CMPK1: variants seen among roughly 807,000 people sequenced by gnomAD.
The protein encoded by CMPK1 is UMP-CMP kinase.
CMPK1 carries 10 observed loss-of-function variants against 25.7 expected under a neutral mutation model. That is an observed-to-expected ratio of 0.39 (90% CI 0.24 to 0.66). The LOEUF (loss-of-function observed/expected upper bound fraction) is 0.66, where lower values mean the gene tolerates loss of function less well. CMPK1 is among the 30% of genes least tolerant of loss of function. CMPK1 has a pLI of 0.48. For synonymous variants in CMPK1, 106 were observed against 101.5 expected (o/e 1.04, Z -0.27); for missense variants, 199 against 280.5 (o/e 0.71, Z 2.08).
At chr1:47,374,329 T>G (rs1179071560) in intron 3 of CMPK1, among the ~76,000 whole-genome samples, 1 of 152,228 alleles carries the variant, frequency 6.6e-6, no homozygotes, top group African/African-American at 2.4e-5. Context: ...AGTGTTGGAA[T>G]TGCAGGCCTG....
intron 1 of CMPK1, among the ~76,000 whole-genome samples, chr1:47,357,342 C>A (rs947279640): frequency 1.3e-5 from 2 of 152,100 alleles, no homozygotes; most frequent in African/African-American, 4.8e-5. Context: ...AATTCTTACA[C>A]ATTTAGTTTT....
chr1:47,359,395 T>TTC (rs1269421958), intron 1 of CMPK1, among the ~76,000 whole-genome samples: 1 of 129,420 alleles, frequency 7.7e-6, no homozygotes, highest in Non-Finnish European at 1.5e-5. Context: ...TCTTTTTTTT[T>TTC]TTTTTTTTTT....
At chr1:47,343,250 G>A (rs1279520068) in intron 1 of CMPK1, among the ~76,000 whole-genome samples, 2 of 151,208 alleles carry the variant, frequency 1.3e-5, no homozygotes. Flanking sequence ...GCCTCCCAAA[G>A]TGCTGGGATT....
Position 47,378,389 on chromosome 1 carries a change from C to G in CMPK1, c.*1644C>G, listed in dbSNP as rs555355359. ...GAAGCAAGAGTAAAGACTAAGGTTT[C>G]GAGAGCATTCCTACTCACATAAGTG... On this transcript the variant is annotated 3_prime_UTR_variant, in exon 6 of 6. Coordinates refer to ENST00000371873, the MANE Select transcript of CMPK1 (RefSeq NM_016308.3). The G allele has an allele frequency of 1.3e-5, 2 of 151,994 alleles. No individual in the cohort carries two copies. The highest frequency in any genetic ancestry group is 4.8e-5 in the African/African-American group (2 of 41,376). The allele number at this position is 151,994 out of a possible 1,614,324, so 9.4% of individuals were successfully genotyped here.
intron 1 of CMPK1, among the ~76,000 whole-genome samples, chr1:47,352,928 G>GT (rs57242072): frequency 0.18 from 26,949 of 152,010 alleles, 3,030 homozygotes; most frequent in East Asian, 0.54. Flanking sequence ...ACTTATGAAG[G>GT]TAAATTTTAT....
intron 1 of CMPK1, among the ~76,000 whole-genome samples, chr1:47,361,866 C>G (rs950835550): frequency 2.8e-5 from 4 of 140,694 alleles, no homozygotes; most frequent in Non-Finnish European, 6.0e-5. Flanking sequence ...TTTTAAAATA[C>G]TACTCTTTTT....
At chr1:47,370,807 C>G (rs1457013354) in intron 2 of CMPK1, among the ~76,000 whole-genome samples, 1 of 143,818 alleles carries the variant, frequency 7.0e-6, no homozygotes, top group Non-Finnish European at 1.5e-5. Context: ...AAAAATTAGT[C>G]GGCCGTGGTG....
chr1:47,338,245 C>T (rs1312645329), intron 1 of CMPK1, among the ~76,000 whole-genome samples: 2 of 152,070 alleles, frequency 1.3e-5, no homozygotes, highest in South Asian at 2.1e-4. Context: ...AACCAAAAAC[C>T]CTTAGGGATA....
rs1273515024 is a variant in CMPK1 at position 47,333,809 on chromosome 1, G to A, written c.-137G>A. ...CTCCTCCCCTTCCGACAGGGCCGCGGACGCCCGGGCAGCCACGGCGGCGGG... is the reference window on the plus strand; with the variant it reads ...CTCCTCCCCTTCCGACAGGGCCGCGAACGCCCGGGCAGCCACGGCGGCGGG... On this transcript the variant is annotated 5_prime_UTR_variant, in exon 1 of 6. Transcript: ENST00000371873. 8 of 340,310 alleles carry A rather than the reference G, an allele frequency of 2.4e-5. No individual in the cohort carries two copies. The highest frequency in any genetic ancestry group is 3.3e-5 in the Non-Finnish European group (8 of 239,482). 21.1% of individuals were successfully genotyped at this position (340,310 alleles called of 1,614,324 possible).
chr1:47,364,462 G>A (rs185314296), intron 1 of CMPK1, among the ~76,000 whole-genome samples: 2 of 151,434 alleles, frequency 1.3e-5, no homozygotes, highest in South Asian at 2.1e-4. Context: ...GACTACAGGC[G>A]CCTGCCACCA....
intron 1 of CMPK1, among the ~76,000 whole-genome samples, chr1:47,347,610 TTTG>T (rs1025009758): frequency 1.3e-5 from 2 of 151,966 alleles, no homozygotes; most frequent in African/African-American, 4.8e-5. Flanking sequence ...CCATGATCTT[TTTG>T]TTGTTGTTGT....
At chr1:47,358,874 C>G (rs1260138457) in intron 1 of CMPK1, 4 of 984,644 alleles carry the variant, frequency 4.1e-6, no homozygotes, top group African/African-American at 1.8e-5. Context: ...CTAAAGAGCA[C>G]CTGAGATACT....
chr1:47,373,065 G>A lies in CMPK1; in HGVS notation c.429G>A (p.Lys143=). Residue 143 remains lysine, a synonymous_variant, in exon 3 of 6, where the codon AAG becomes AAA. Coordinates refer to ENST00000371873, the MANE Select transcript of CMPK1 (RefSeq NM_016308.3). ...GATGGAACAAGACCATGGATGGGAA[G>A]GCAGATGTATCTTTCGTTCTCTTTT... ...LQGWNKTMDG[K]ADVSFVLFFD... is the part of the protein sequence containing the mutation. 3.7e-6 allele frequency: 6 copies of A among 1,610,444 alleles called. No homozygotes were observed. The highest frequency in any genetic ancestry group is 5.1e-6 in the Non-Finnish European group (6 of 1,177,950).
chr1:47,358,507 TA>T (rs1457797964), intron 1 of CMPK1: 1 of 1,023,636 alleles, frequency 9.8e-7, no homozygotes, highest in Non-Finnish European at 1.2e-6. Flanking sequence ...ATAGTATGTG[TA>T]GATGTCATTT....
chr1:47,339,747 G>A (rs1350594541), intron 1 of CMPK1, among the ~76,000 whole-genome samples: 3 of 128,564 alleles, frequency 2.3e-5, no homozygotes, highest in African/African-American at 5.9e-5. Context: ...TTACTCTGTC[G>A]CCCAGACGGG....
intron 5 of CMPK1, 43 bp from the exon 6 acceptor site, chr1:47,376,661 C>T (rs1291800571): frequency 7.7e-7 from 1 of 1,305,600 alleles, no homozygotes; most frequent in Non-Finnish European, 1.1e-6. Flanking sequence ...GGTATTTTAA[C>T]AGTACCTGCT....
chr1:47,376,685 T>C lies in CMPK1; in HGVS notation c.646-19T>C. 2.0e-6 allele frequency: 3 copies of C among 1,527,928 alleles called. No individual in the cohort carries two copies. The highest frequency in any genetic ancestry group is 1.1e-5 in the South Asian group (1 of 87,678). 94.6% of individuals were successfully genotyped at this position (1,527,928 alleles called of 1,614,324 possible). A position where few individuals can be genotyped will look rare whatever the true frequency, so the allele number is the denominator to read the frequency against. On this transcript the variant is annotated intron_variant, in intron 5 of 5. Transcript: ENST00000371873. The stretch of plus-strand genomic sequence containing the variant: ...ACAGTACCTGCTTTTAAAATTATTA[T>C]CATCTTTTTCCTTTACAGGTTTTTG...
chr1:47,371,677 T>C (rs77711251), intron 2 of CMPK1, among the ~76,000 whole-genome samples: 8,304 of 152,286 alleles, frequency 0.055, 470 homozygotes, highest in East Asian at 0.3. Context: ...TCAGCTCTCA[T>C]TTCATATGTT....
chr1:47,360,785 G>A (rs541048060), intron 1 of CMPK1, among the ~76,000 whole-genome samples: 24 of 152,144 alleles, frequency 1.6e-4, no homozygotes, highest in Non-Finnish European at 3.4e-4. Context: ...TTAAGGTTTT[G>A]TTACATGAAT....
Sources: allele counts gnomAD v4.1 joint callset (sites outside exome capture counted in the v4.1 genomes callset), GRCh38; gene constraint gnomAD v4.1.1; transcripts MANE v1.5; gene names NCBI Gene and HGNC (gene_info 2026-07-23, HGNC 2026-07-21).